DPP6: variants seen among roughly 807,000 people sequenced by gnomAD.
DPP6 encodes dipeptidyl peptidase like 6.
Under a neutral mutation model 122.6 loss-of-function variants are expected in DPP6, and 69 were observed. That is an observed-to-expected ratio of 0.56 (90% confidence interval 0.46 to 0.69). The LOEUF (loss-of-function observed/expected upper bound fraction) is 0.69. Among genes scored for constraint, DPP6 ranks in the 30% least tolerant of loss-of-function variants. DPP6 has a pLI of 0.00. For synonymous variants in DPP6, 418 were observed against 433.1 expected (o/e 0.97, Z 0.43); for missense variants, 928 against 1,116.9 (o/e 0.83, Z 2.41).
At chr7:153,917,768 T>C (rs1800391791) in intron 1 of DPP6, among the ~76,000 whole-genome samples, 3 of 152,354 alleles carry the variant, frequency 2.0e-5, no homozygotes, top group South Asian at 4.1e-4. Context: ...TATTTTTGTT[T>C]TGACATTTCG....
intron 1 of DPP6, among the ~76,000 whole-genome samples, chr7:154,317,991 G>A (rs1807582779): frequency 6.6e-6 from 1 of 152,100 alleles, no homozygotes. Context: ...CTGACTTTAT[G>A]TTTTTGATTC....
At chr7:153,771,643 C>G in the DPP6 span, among the ~76,000 whole-genome samples, 19 of 152,262 alleles carry the variant, frequency 1.2e-4, no homozygotes, top group South Asian at 1.0e-3. Flanking sequence ...CCTGGCCCCC[C>G]TGAAGTGATC....
chr7:153,806,752 G>A, the DPP6 span, among the ~76,000 whole-genome samples: 47 of 151,868 alleles, frequency 3.1e-4, no homozygotes, highest in Non-Finnish European at 5.1e-4. Flanking sequence ...TGATGCCCCT[G>A]GTCATTTAGG....
chr7:154,851,888 C>G (rs1802411804), intron 16 of DPP6, among the ~76,000 whole-genome samples: 2 of 152,068 alleles, frequency 1.3e-5, no homozygotes, highest in Admixed American at 6.5e-5. Context: ...GCCCTGGACT[C>G]CTGGACTTTG....
At chr7:154,214,714 C>T (rs756443255) in intron 1 of DPP6, among the ~76,000 whole-genome samples, 18 of 152,090 alleles carry the variant, frequency 1.2e-4, no homozygotes, top group Non-Finnish European at 1.3e-4. Flanking sequence ...CCTAAGAGTT[C>T]GAGACCAGGC....
chr7:154,039,414 T>C (rs1158663257), intron 1 of DPP6, among the ~76,000 whole-genome samples: 2 of 105,592 alleles, frequency 1.9e-5, no homozygotes, highest in Non-Finnish European at 3.6e-5. Flanking sequence ...CTGAGGCTGC[T>C]CTCCAAGGTC....
intron 6 of DPP6, among the ~76,000 whole-genome samples, chr7:154,661,943 G>A (rs1277942812): frequency 2.2e-5 from 3 of 137,640 alleles, no homozygotes; most frequent in Admixed American, 7.2e-5. Flanking sequence ...CGTATTGGCG[G>A]TAGTGTTCAT....
intron 21 of DPP6, chr7:154,881,212 C>T: frequency 2.3e-6 from 1 of 427,132 alleles, no homozygotes; most frequent in Non-Finnish European, 3.9e-6. Context: ...TTCCTAATGA[C>T]TTTTCTCCCA....
At chr7:153,919,313 A>G (rs1170703757) in intron 1 of DPP6, among the ~76,000 whole-genome samples, 2 of 152,164 alleles carry the variant, frequency 1.3e-5, no homozygotes, top group Non-Finnish European at 2.9e-5. Context: ...ACTCTCATGC[A>G]GCCTCCTGGG....
At chr7:154,637,895 T>G in intron 6 of DPP6, 22 bp downstream of exon 6, 1 of 1,558,450 alleles carries the variant, frequency 6.4e-7, no homozygotes, top group Non-Finnish European at 8.7e-7. Flanking sequence ...CTTTTCTTTC[T>G]TTTAATTAGA....
chr7:154,726,999 G>T (rs928314612), intron 7 of DPP6, among the ~76,000 whole-genome samples: 1 of 152,122 alleles, frequency 6.6e-6, no homozygotes, highest in African/African-American at 2.4e-5. Flanking sequence ...TCATCTCTCT[G>T]TCTTCTGAGT....
In DPP6 at chr7:154,727,809, G is replaced by C. The variant is rs756255011; in HGVS notation, c.805G>C (p.Gly269Arg). 8.7e-6 allele frequency: 14 copies of C among 1,613,580 alleles called. No individual in the cohort carries two copies. The highest frequency in any genetic ancestry group is 1.1e-5 in the Non-Finnish European group (13 of 1,179,804). Residue 269 changes from glycine to arginine, a missense_variant, in exon 8 of 26, where the codon GGG becomes CGG. Transcript: ENST00000377770. ...ENNIYYCAHV[G>R]KQAIRVVSTG... The stretch of plus-strand genomic sequence containing the variant: ...CAATATCTACTACTGTGCACATGTC[G>C]GGAAACAGGCCATCCGTGTGGTCTC...
At chr7:154,328,809 G>C (rs1205364448) in intron 1 of DPP6, among the ~76,000 whole-genome samples, 1 of 152,096 alleles carries the variant, frequency 6.6e-6, no homozygotes. Context: ...AGAAGCCGGT[G>C]GTCACACTTT....
intron 1 of DPP6, among the ~76,000 whole-genome samples, chr7:154,111,679 T>C: frequency 6.7e-6 from 1 of 149,720 alleles, no homozygotes. Flanking sequence ...GCAAGCATGA[T>C]TTAGTTGAAA....
intron 3 of DPP6, among the ~76,000 whole-genome samples, chr7:154,520,012 A>T (rs1006841890): frequency 3.3e-5 from 5 of 152,222 alleles, no homozygotes; most frequent in Non-Finnish European, 5.9e-5. Flanking sequence ...TCTATTACTG[A>T]AAATGAAAGA....
Position 154,718,621 on chromosome 7 carries a change from A to G in DPP6, c.763-9146A>G, listed in dbSNP as rs575104561. On this transcript the variant is annotated intron_variant, in intron 7 of 25. Coordinates refer to ENST00000377770, the MANE Select transcript of DPP6 (RefSeq NM_130797.4). Reference sequence around the variant, plus strand: ...TTTAAAGCTGGCTTGCCTGGGTTTTAGACTTCCTCCTCCTTTTTTTTTTTT... The same window carrying G: ...TTTAAAGCTGGCTTGCCTGGGTTTTGGACTTCCTCCTCCTTTTTTTTTTTT... 4.2e-5 allele frequency among the ~76,000 whole-genome samples: 6 copies of G among 143,308 alleles called. No individual in the cohort carries two copies. In the South Asian group the frequency reaches 1.4e-3, roughly 33 times the overall value. 94.0% of individuals were successfully genotyped at this position (143,308 alleles called of 152,430 possible). A position where few individuals can be genotyped will look rare whatever the true frequency, so the allele number is the denominator to read the frequency against.
At chr7:154,651,037 A>G (rs185690570) in intron 6 of DPP6, among the ~76,000 whole-genome samples, 6 of 152,292 alleles carry the variant, frequency 3.9e-5, no homozygotes, top group African/African-American at 1.4e-4. Flanking sequence ...GTTTTTTGAA[A>G]TGCTAAGAGG....
At chr7:154,611,517 G>A (rs190053220) in intron 5 of DPP6, among the ~76,000 whole-genome samples, 70 of 152,166 alleles carry the variant, frequency 4.6e-4, no homozygotes, top group Middle Eastern at 6.8e-3. Flanking sequence ...ATCTCTCATA[G>A]ACATCCTAGA....
In DPP6 at chr7:154,241,939, G is replaced by A. The variant is rs1801648782; in HGVS notation, c.243+188876G>A. 6.6e-6 allele frequency among the ~76,000 whole-genome samples: 1 copy of A among 152,162 alleles called. No individual in the cohort carries two copies. The highest frequency in any genetic ancestry group is 1.5e-5 in the Non-Finnish European group (1 of 68,032). Reference sequence around the variant, plus strand: ...ACAGAGGGCTGAGTTTCTAGTAGATGTTAATCAAATTCTTTGCATGTGATT... The same window carrying A: ...ACAGAGGGCTGAGTTTCTAGTAGATATTAATCAAATTCTTTGCATGTGATT... On this transcript the variant is annotated intron_variant, in intron 1 of 25. Transcript: ENST00000377770. This position sits in a 1 kb window ranked among gnomAD's most constrained non-coding sequence, Gnocchi z 9.0.
Sources: allele counts gnomAD v4.1 joint callset (sites outside exome capture counted in the v4.1 genomes callset), GRCh38; gene constraint gnomAD v4.1.1; non-coding constraint Gnocchi (gnomAD v3.1); transcripts MANE v1.5; gene names NCBI Gene and HGNC (gene_info 2026-07-23, HGNC 2026-07-21).